Variants in KHDRBS2 observed in about 807,000 individuals in gnomAD.
The protein encoded by KHDRBS2 is KH RNA binding domain containing, signal transduction associated 2.
A neutral mutation model predicts 44.3 loss-of-function variants in KHDRBS2; 26 were observed. The observed-to-expected ratio is 0.59, with a 90% CI of 0.43 to 0.81. The LOEUF (loss-of-function observed/expected upper bound fraction) is 0.81, where lower values mean the gene tolerates loss of function less well. Ranked by LOEUF, KHDRBS2 falls within the 40% of genes least tolerant of loss-of-function variation. The pLI is 0.00. For missense variants in KHDRBS2, 476 were observed against 433.1 expected, an observed-to-expected ratio of 1.10 and a Z score of -0.88; for synonymous variants, 194 against 151.1, an observed-to-expected ratio of 1.28 and a Z score of -2.08.
intron 2 of KHDRBS2, among the ~76,000 whole-genome samples, chr6:62,099,580 A>T (rs1355837508): frequency 3.9e-5 from 6 of 152,166 alleles, no homozygotes; most frequent in African/African-American, 1.4e-4. Context: ...TGGGTCAGGA[A>T]CCGTGGGGCT....
chr6:62,170,410 G>C (rs1819750238), intron 2 of KHDRBS2, among the ~76,000 whole-genome samples: 1 of 152,106 alleles, frequency 6.6e-6, no homozygotes, highest in Non-Finnish European at 1.5e-5. Context: ...GCTCCTCCAA[G>C]GCCTGGGAGC....
Position 61,806,846 on chromosome 6 carries a change from A to G in KHDRBS2, c.811-74082T>C, listed in dbSNP as rs550196266. Among the ~76,000 whole-genome samples the G allele has an allele frequency of 2.6e-5, 4 of 152,234 alleles. No individual in the cohort carries two copies. The East Asian group carries it at 7.7e-4, about 29-fold the overall frequency. On this transcript the variant is annotated intron_variant, in intron 6 of 8. Coordinates refer to ENST00000281156, the MANE Select transcript of KHDRBS2 (RefSeq NM_152688.4). ...TTTTGTAATTAAATAAAAATTGTATATATTAATGATGTACAACATAAAGTT... is the reference window on the plus strand; with the variant it reads ...TTTTGTAATTAAATAAAAATTGTATGTATTAATGATGTACAACATAAAGTT...
At chr6:61,844,680 A>C (rs1249718675) in intron 6 of KHDRBS2, among the ~76,000 whole-genome samples, 2 of 152,184 alleles carry the variant, frequency 1.3e-5, no homozygotes, top group Non-Finnish European at 2.9e-5. Flanking sequence ...TCAATCAATC[A>C]ATCAATATTA....
At chr6:61,608,657 C>A in the KHDRBS2 span, among the ~76,000 whole-genome samples, 1 of 144,846 alleles carries the variant, frequency 6.9e-6, no homozygotes, top group South Asian at 2.2e-4. Context: ...TCTCATTGTT[C>A]AACTCCCACT....
chr6:61,716,432 T>C (rs1393513937), intron 7 of KHDRBS2, among the ~76,000 whole-genome samples: 1 of 151,988 alleles, frequency 6.6e-6, no homozygotes, highest in Non-Finnish European at 1.5e-5. Context: ...CTGAGCATAG[T>C]AAAAATGGTT....
intron 6 of KHDRBS2, among the ~76,000 whole-genome samples, chr6:61,810,435 G>C (rs1190851040): frequency 6.6e-6 from 1 of 152,028 alleles, no homozygotes; most frequent in Non-Finnish European, 1.5e-5. Context: ...CTTCTCAACT[G>C]CCTAGCCAGT....
At chr6:61,826,148 G>C (rs1790822928) in intron 6 of KHDRBS2, among the ~76,000 whole-genome samples, 1 of 152,046 alleles carries the variant, frequency 6.6e-6, no homozygotes, top group Non-Finnish European at 1.5e-5. Flanking sequence ...GTAAAGAACT[G>C]TGGCATTTTT....
intron 4 of KHDRBS2, among the ~76,000 whole-genome samples, chr6:61,914,134 T>C (rs1806552097): frequency 6.6e-6 from 1 of 152,036 alleles, no homozygotes; most frequent in African/African-American, 2.4e-5. Context: ...GACACCATTA[T>C]AAGCAATACA....
At chr6:62,140,608 C>G (rs1213608961) in intron 2 of KHDRBS2, among the ~76,000 whole-genome samples, 1 of 152,138 alleles carries the variant, frequency 6.6e-6, no homozygotes, top group Non-Finnish European at 1.5e-5. Context: ...TTGTATGATA[C>G]ACATATTACC....
chr6:62,258,234 A>G (rs997129634), intron 1 of KHDRBS2, among the ~76,000 whole-genome samples: 2 of 152,060 alleles, frequency 1.3e-5, no homozygotes, highest in African/African-American at 4.8e-5. Flanking sequence ...GCACTCTGCT[A>G]GATGGGTTTT....
At position 62,144,824 on chromosome 6, in the gene KHDRBS2, G is replaced by A. The variant is rs537992034; in HGVS notation, c.219+32361C>T. ...ATGCATGACAGGTGGTGCCATGGAT[G>A]AAGAATAATAATGAGTAATGAAGAC... is the stretch of plus-strand genomic sequence containing the variant. On this transcript the variant is annotated intron_variant, in intron 2 of 8. Coordinates refer to ENST00000281156, the MANE Select transcript of KHDRBS2 (RefSeq NM_152688.4). Among the ~76,000 whole-genome samples the A allele has an allele frequency of 6.2e-4, 95 of 152,038 alleles. 2 individuals carry two copies. In the South Asian group the frequency reaches 0.012, roughly 20 times the overall value.
chr6:61,907,267 A>G (rs866924315), intron 4 of KHDRBS2, among the ~76,000 whole-genome samples: 5 of 151,728 alleles, frequency 3.3e-5, no homozygotes, highest in Admixed American at 1.3e-4. Flanking sequence ...CTTTTTTCCT[A>G]TTGAGTTGTT....
rs565334912 is a variant in KHDRBS2 at position 62,066,330 on chromosome 6, C to G, written c.220-18336G>C. ...CTCAGTACAGTGAAATGTGGCTGCA[C>G]AATTCCATTTTTATCTAAATCTTTG... On this transcript the variant is annotated intron_variant, in intron 2 of 8. Transcript: ENST00000281156. 5.9e-5 allele frequency among the ~76,000 whole-genome samples: 9 copies of G among 151,784 alleles called. 1 individual carries two copies. The South Asian group carries it at 1.2e-3, about 21-fold the overall frequency.
chr6:61,971,203 G>A (rs934754754), intron 4 of KHDRBS2, among the ~76,000 whole-genome samples: 1 of 152,002 alleles, frequency 6.6e-6, no homozygotes, highest in African/African-American at 2.4e-5. Flanking sequence ...TAGAAAGACT[G>A]GCGTGGAGTG....
the KHDRBS2 span, among the ~76,000 whole-genome samples, chr6:61,658,511 CTT>C: frequency 6.6e-6 from 1 of 151,866 alleles, no homozygotes; most frequent in Non-Finnish European, 1.5e-5. Flanking sequence ...GCATAATTAA[CTT>C]ATCAATATGT....
chr6:61,983,244 T>TTCTTTCTTTCTTTC (rs1583957414), intron 3 of KHDRBS2, among the ~76,000 whole-genome samples: 1 of 38,024 alleles, frequency 2.6e-5, no homozygotes, highest in Non-Finnish European at 6.0e-5. Flanking sequence ...TTCTTTTTTT[T>TTCTTTCTTTCTTTC]TTTTTTTTTT....
At chr6:61,573,697 G>T in the KHDRBS2 span, among the ~76,000 whole-genome samples, 2 of 152,074 alleles carry the variant, frequency 1.3e-5, no homozygotes, top group Admixed American at 6.5e-5. Flanking sequence ...GCTGAGGCAG[G>T]AGAATTACTT....
chr6:62,015,662 A>G (rs993803665), intron 3 of KHDRBS2, among the ~76,000 whole-genome samples: 4 of 152,164 alleles, frequency 2.6e-5, no homozygotes, highest in African/African-American at 9.7e-5. Flanking sequence ...TTAGATACTC[A>G]GAGATACACA....
At chr6:62,190,668 A>G (rs1248024630) in intron 1 of KHDRBS2, among the ~76,000 whole-genome samples, 4 of 152,104 alleles carry the variant, frequency 2.6e-5, no homozygotes, top group Non-Finnish European at 4.4e-5. Context: ...AAAATTTTTA[A>G]TACAAATAAA....
Sources: allele counts gnomAD v4.1 joint callset (sites outside exome capture counted in the v4.1 genomes callset), GRCh38; gene constraint gnomAD v4.1.1; transcripts MANE v1.5; gene names NCBI Gene and HGNC (gene_info 2026-07-23, HGNC 2026-07-21).